The following SLC5A3 variants were observed in gnomAD, a reference collection of about 807,000 sequenced individuals.
SLC5A3 encodes the protein sodium/myo-inositol cotransporter.
Under a neutral mutation model 43.2 loss-of-function variants are expected in SLC5A3, and 10 were observed. The ratio of observed to expected loss-of-function variants is 0.23; its 90% CI spans 0.14 to 0.39. The LOEUF is 0.39. SLC5A3 is among the 10% of genes least tolerant of loss of function. The pLI is 1.00. For synonymous variants in SLC5A3, 349 were observed against 322.0 expected (o/e 1.08, Z -0.90); for missense variants, 608 against 893.4 (o/e 0.68, Z 4.07).
rs1239699495 is a variant in SLC5A3 at position 34,097,410 on chromosome 21, A to AG, written c.*55_*56insG. Reference sequence around the variant, plus strand: ...AGACAATACTGACTGGTCTTTGGGGAAAAAAGTTATGTAACTGTGCATCTC... The same window carrying AG: ...AGACAATACTGACTGGTCTTTGGGGAGAAAAAGTTATGTAACTGTGCATCTC... On this transcript the variant is annotated 3_prime_UTR_variant, in exon 2 of 2. Transcript: ENST00000381151. 1.0e-4 allele frequency: 139 copies of AG among 1,355,292 alleles called. No individual in the cohort carries two copies. Among genetic ancestry groups the AG allele is most frequent in the Non-Finnish European group, 1.2e-4 (130 of 1,062,744 alleles). The allele number at this position is 1,355,292 out of a possible 1,614,324, so 84.0% of individuals were successfully genotyped here. A position where few individuals can be genotyped will look rare whatever the true frequency, so the allele number is the denominator to read the frequency against.
rs1251128000 is a variant in SLC5A3, at chr21:34,101,012, G to A, written c.*3657G>A. The A allele has an allele frequency of 1.0e-6, 1 of 1,000,018 alleles. No homozygotes were observed. The highest frequency in any genetic ancestry group is 1.2e-6 in the Non-Finnish European group (1 of 829,930). The allele number at this position is 1,000,018 out of a possible 1,614,324, so 61.9% of individuals were successfully genotyped here. On this transcript the variant is annotated 3_prime_UTR_variant, in exon 2 of 2. Coordinates refer to ENST00000381151, the MANE Select transcript of SLC5A3 (RefSeq NM_006933.7). Reference sequence around the variant, plus strand: ...TGATGACTGGAAAGGGATCACATGGGTCGTTGGTGGTGACACCTCACTGTT... The same window carrying A: ...TGATGACTGGAAAGGGATCACATGGATCGTTGGTGGTGACACCTCACTGTT...
intron 1 of SLC5A3, among the ~76,000 whole-genome samples, chr21:34,076,854 C>T (rs1385670748): frequency 6.6e-6 from 1 of 152,152 alleles, no homozygotes; most frequent in Admixed American, 6.5e-5. Context: ...CTGTTACACC[C>T]ATATCAGATA....
At chr21:34,085,140 T>G (rs979992034) in intron 1 of SLC5A3, among the ~76,000 whole-genome samples, 3 of 152,230 alleles carry the variant, frequency 2.0e-5, no homozygotes, top group African/African-American at 7.2e-5. Context: ...GATCATATAT[T>G]TACTTGTTTA....
In SLC5A3 at chr21:34,102,021, T is replaced by C. The variant is rs1979260210; in HGVS notation, c.*4666T>C. The C allele has an allele frequency of 7.0e-6, 7 of 1,000,060 alleles. No individual in the cohort carries two copies. Among genetic ancestry groups the C allele is most frequent in the Non-Finnish European group, 3.6e-6 (3 of 829,934 alleles). The allele number at this position is 1,000,060 out of a possible 1,614,324, so 61.9% of individuals were successfully genotyped here. ...TTAGTTGGCATATAGAGGAACCCTT[T>C]TGTACTGGAACGTATGAGGCTGGAT... On this transcript the variant is annotated 3_prime_UTR_variant, in exon 2 of 2. Transcript: ENST00000381151.
rs1189723014 is a variant in SLC5A3, at chr21:34,104,187, G to A, written c.*6832G>A. On this transcript the variant is annotated 3_prime_UTR_variant, in exon 2 of 2. Coordinates refer to ENST00000381151, the MANE Select transcript of SLC5A3 (RefSeq NM_006933.7). ...AAGGATAATTTGATCTGAGTGTTCT[G>A]AGCATCAGACTAATTCTGAAGCATA... is the stretch of plus-strand genomic sequence containing the variant. 3.0e-6 allele frequency: 3 copies of A among 999,906 alleles called. No homozygotes were observed. The highest frequency in any genetic ancestry group is 1.2e-4 in the Admixed American group (2 of 16,232). The allele number at this position is 999,906 out of a possible 1,614,324, so 61.9% of individuals were successfully genotyped here. A position where few individuals can be genotyped will look rare whatever the true frequency, so the allele number is the denominator to read the frequency against.
chr21:34,098,143 G>T lies in SLC5A3; in HGVS notation c.*788G>T. Reference sequence around the variant, plus strand: ...GTTGCTGATGATCCCCATATTTATTGATCATATTAAGGTTGTTTATATAGT... The same window carrying T: ...GTTGCTGATGATCCCCATATTTATTTATCATATTAAGGTTGTTTATATAGT... On this transcript the variant is annotated 3_prime_UTR_variant, in exon 2 of 2. Coordinates refer to ENST00000381151, the MANE Select transcript of SLC5A3 (RefSeq NM_006933.7). The T allele has an allele frequency of 1.0e-6, 1 of 999,952 alleles. No homozygotes were observed. The highest frequency in any genetic ancestry group is 1.2e-6 in the Non-Finnish European group (1 of 829,858). 61.9% of individuals were successfully genotyped at this position (999,952 alleles called of 1,614,324 possible). A position where few individuals can be genotyped will look rare whatever the true frequency, so the allele number is the denominator to read the frequency against.
intron 1 of SLC5A3, among the ~76,000 whole-genome samples, chr21:34,079,546 A>G (rs368018848): frequency 0.012 from 1,709 of 145,190 alleles, 38 homozygotes; most frequent in South Asian, 0.083. Flanking sequence ...AGCGATTCTC[A>G]TGTCTCAGCC....
intron 1 of SLC5A3, among the ~76,000 whole-genome samples, chr21:34,074,563 C>A (rs1297244999): frequency 6.6e-6 from 1 of 152,226 alleles, no homozygotes; most frequent in African/African-American, 2.4e-5. Flanking sequence ...GGCCCGCGGC[C>A]CGGAGGCAGC....
At position 34,101,003 on chromosome 21, in the gene SLC5A3, A is replaced by G; in HGVS notation, c.*3648A>G. 3.0e-6 allele frequency: 3 copies of G among 1,000,150 alleles called. No individual in the cohort carries two copies. Among genetic ancestry groups the G allele is most frequent in the Non-Finnish European group, 3.6e-6 (3 of 829,940 alleles). 62.0% of individuals were successfully genotyped at this position (1,000,150 alleles called of 1,614,324 possible). A position where few individuals can be genotyped will look rare whatever the true frequency, so the allele number is the denominator to read the frequency against. The stretch of plus-strand genomic sequence containing the variant: ...TCAGAGGCATGATGACTGGAAAGGG[A>G]TCACATGGGTCGTTGGTGGTGACAC... On this transcript the variant is annotated 3_prime_UTR_variant, in exon 2 of 2. Transcript: ENST00000381151.
Position 34,096,654 on chromosome 21 carries a change from A to G in SLC5A3, c.1456A>G (p.Ile486Val). 1 of 1,614,108 alleles carries G rather than the reference A, an allele frequency of 6.2e-7. No individual in the cohort carries two copies. Among genetic ancestry groups the G allele is most frequent in the Non-Finnish European group, 8.5e-7 (1 of 1,179,992 alleles). ...AGFVLGAVRL[I>V]LAFAYRAPEC... ...CTTTGTTCTTGGAGCAGTCCGTTTG[A>G]TACTGGCCTTTGCCTACCGTGCCCC... Residue 486 changes from isoleucine (I) to valine (V), a missense_variant, in exon 2 of 2, where the codon ATA becomes GTA. Ile to Val is a conservative substitution (Grantham distance 29, BLOSUM62 3). Coordinates refer to ENST00000381151, the MANE Select transcript of SLC5A3 (RefSeq NM_006933.7). The surrounding 1 kb of genome is among the most constrained non-coding windows in gnomAD (Gnocchi z 5.9).
chr21:34,092,739 A>G (rs112083588), intron 1 of SLC5A3, among the ~76,000 whole-genome samples: 3 of 152,230 alleles, frequency 2.0e-5, no homozygotes, highest in Non-Finnish European at 4.4e-5. Flanking sequence ...TGCAGCAGCT[A>G]CTATGACACA....
intron 1 of SLC5A3, among the ~76,000 whole-genome samples, chr21:34,079,055 T>G (rs1989398797): frequency 6.6e-6 from 1 of 152,218 alleles, no homozygotes; most frequent in African/African-American, 2.4e-5. Flanking sequence ...GACAGTTAAT[T>G]CAGCCTCTTA....
chr21:34,085,715 G>T (rs1602912987), intron 1 of SLC5A3, among the ~76,000 whole-genome samples: 1 of 149,726 alleles, frequency 6.7e-6, no homozygotes, highest in East Asian at 2.0e-4. Flanking sequence ...CCATTCTCCT[G>T]CCTCAGCCCC....
At chr21:34,086,272 A>G (rs1040437009) in intron 1 of SLC5A3, among the ~76,000 whole-genome samples, 2 of 152,168 alleles carry the variant, frequency 1.3e-5, no homozygotes, top group African/African-American at 4.8e-5. Context: ...GATCACATCA[A>G]GAGGGACACA....
At position 34,102,088 on chromosome 21, in the gene SLC5A3, A is replaced by T; in HGVS notation, c.*4733A>T. ...TTCGATTGCTAGACTTGGTTAACTT[A>T]GGGCTGCAAATCTTTTTCTTCTGTC... On this transcript the variant is annotated 3_prime_UTR_variant, in exon 2 of 2. Coordinates refer to ENST00000381151, the MANE Select transcript of SLC5A3 (RefSeq NM_006933.7). The T allele has an allele frequency of 1.0e-6, 1 of 1,000,060 alleles. No homozygotes were observed. Among genetic ancestry groups the T allele is most frequent in the Non-Finnish European group, 1.2e-6 (1 of 829,788 alleles). The allele number at this position is 1,000,060 out of a possible 1,614,324, so 61.9% of individuals were successfully genotyped here. A position where few individuals can be genotyped will look rare whatever the true frequency, so the allele number is the denominator to read the frequency against.
intron 1 of SLC5A3, among the ~76,000 whole-genome samples, chr21:34,079,668 G>C (rs571713023): frequency 2.3e-5 from 3 of 131,784 alleles, no homozygotes; most frequent in Non-Finnish European, 3.1e-5. Flanking sequence ...TGGCCAGGAT[G>C]GTCTCAATCT....
Position 34,097,791 on chromosome 21 carries a change from T to G in SLC5A3, c.*436T>G. The G allele has an allele frequency of 1.0e-6, 1 of 1,000,956 alleles. No individual in the cohort carries two copies. The highest frequency in any genetic ancestry group is 1.2e-6 in the Non-Finnish European group (1 of 830,314). The allele number at this position is 1,000,956 out of a possible 1,614,324, so 62.0% of individuals were successfully genotyped here. ...CCTCCTACCATTAAGAAAAACTTATTTCTTAGACATTGTACAATCAGTTAT... is the reference window on the plus strand; with the variant it reads ...CCTCCTACCATTAAGAAAAACTTATGTCTTAGACATTGTACAATCAGTTAT... On this transcript the variant is annotated 3_prime_UTR_variant, in exon 2 of 2. Transcript: ENST00000381151.
Position 34,096,893 on chromosome 21 carries a change from C to T in SLC5A3, c.1695C>T (p.Tyr565=). The part of the protein sequence containing the change: ...KENCSPKEEP[Y]KMQEKSILRC... ...ACTGCTCCCCAAAAGAGGAACCATA[C>T]AAAATGCAAGAAAAGAGCATTCTGA... is the stretch of plus-strand genomic sequence containing the variant. The change falls in exon 2 of 2, where the codon TAC becomes TAT. Residue 565 remains tyrosine, a synonymous_variant. Coordinates refer to ENST00000381151, the MANE Select transcript of SLC5A3 (RefSeq NM_006933.7). This position sits in a 1 kb window ranked among gnomAD's most constrained non-coding sequence, Gnocchi z 5.9. The T allele has an allele frequency of 1.9e-6, 3 of 1,614,060 alleles. No individual in the cohort carries two copies. Among genetic ancestry groups the T allele is most frequent in the Non-Finnish European group, 2.5e-6 (3 of 1,179,970 alleles).
Position 34,104,180 on chromosome 21 carries a change from G to C in SLC5A3, c.*6825G>C. The C allele has an allele frequency of 1.0e-6, 1 of 1,000,014 alleles. No individual in the cohort carries two copies. Among genetic ancestry groups the C allele is most frequent in the Non-Finnish European group, 1.2e-6 (1 of 829,908 alleles). 61.9% of individuals were successfully genotyped at this position (1,000,014 alleles called of 1,614,324 possible). Reference sequence around the variant, plus strand: ...TTTAATAAAGGATAATTTGATCTGAGTGTTCTGAGCATCAGACTAATTCTG... The same window carrying C: ...TTTAATAAAGGATAATTTGATCTGACTGTTCTGAGCATCAGACTAATTCTG... On this transcript the variant is annotated 3_prime_UTR_variant, in exon 2 of 2. Transcript: ENST00000381151.
Sources: allele counts gnomAD v4.1 joint callset (sites outside exome capture counted in the v4.1 genomes callset), GRCh38; gene constraint gnomAD v4.1.1; non-coding constraint Gnocchi (gnomAD v3.1); transcripts MANE v1.5; gene names NCBI Gene and HGNC (gene_info 2026-07-23, HGNC 2026-07-21).